IMMP2L: variants seen among roughly 807,000 people sequenced by gnomAD.
IMMP2L encodes mitochondrial inner membrane protease subunit 2.
IMMP2L carries 18 observed loss-of-function variants against 19.3 expected under a neutral mutation model. The observed-to-expected ratio is 0.93, with a 90% CI of 0.64 to 1.38. The LOEUF is 1.38. IMMP2L is among the 40% of genes most tolerant of loss of function. The pLI, the probability that IMMP2L is intolerant of heterozygous loss-of-function variation, is 0.00. For missense variants in IMMP2L, 233 were observed against 218.2 expected (o/e 1.07, Z -0.43); for synonymous variants, 76 against 73.0 (o/e 1.04, Z -0.21).
chr7:110,916,600 A>G (rs1468002032), intron 4 of IMMP2L, among the ~76,000 whole-genome samples: 1 of 152,178 alleles, frequency 6.6e-6, no homozygotes. Flanking sequence ...CCTTTCCTAC[A>G]CTACTTCCTT....
intron 5 of IMMP2L, among the ~76,000 whole-genome samples, chr7:110,856,183 A>C (rs1440958947): frequency 6.6e-6 from 1 of 152,064 alleles, no homozygotes; most frequent in Non-Finnish European, 1.5e-5. Flanking sequence ...TATCAAAATT[A>C]CTAAAGACAC....
chr7:111,321,130 C>T (rs1385901394), intron 3 of IMMP2L, among the ~76,000 whole-genome samples: 3 of 151,880 alleles, frequency 2.0e-5, no homozygotes, highest in Admixed American at 6.6e-5. Flanking sequence ...AATTTCAGGG[C>T]AATCCTAATG....
At chr7:110,937,115 T>G (rs1816204158) in intron 4 of IMMP2L, among the ~76,000 whole-genome samples, 1 of 152,126 alleles carries the variant, frequency 6.6e-6, no homozygotes, top group South Asian at 2.1e-4. Context: ...GACAGGTTGA[T>G]GGGTGCAGCA....
At chr7:111,228,209 C>T (rs1427866611) in intron 3 of IMMP2L, among the ~76,000 whole-genome samples, 1 of 151,928 alleles carries the variant, frequency 6.6e-6, no homozygotes, top group East Asian at 1.9e-4. Flanking sequence ...AAGGTACTAA[C>T]CACAAGACAA....
At chr7:111,235,410 G>A (rs568012567) in intron 3 of IMMP2L, among the ~76,000 whole-genome samples, 4 of 150,914 alleles carry the variant, frequency 2.7e-5, no homozygotes, top group Admixed American at 6.6e-5. Flanking sequence ...AGTGGAGGTC[G>A]CGGTGAGCTG....
intron 4 of IMMP2L, among the ~76,000 whole-genome samples, chr7:110,931,258 G>A (rs1815452257): frequency 6.6e-6 from 1 of 152,106 alleles, no homozygotes; most frequent in African/African-American, 2.4e-5. Flanking sequence ...AACATATCAG[G>A]CTCTCCTGTA....
In IMMP2L at chr7:111,149,530, C is replaced by T. The variant is rs573765762; in HGVS notation, c.240-185965G>A. ...AACAGTCAATTAACACATAAATAAACTAGTACTTACATATATTTTATACAT... is the reference window on the plus strand; with the variant it reads ...AACAGTCAATTAACACATAAATAAATTAGTACTTACATATATTTTATACAT... On this transcript the variant is annotated intron_variant, in intron 3 of 5. Transcript: ENST00000405709. Among the ~76,000 whole-genome samples the T allele has an allele frequency of 9.2e-5, 14 of 152,220 alleles. No individual in the cohort carries two copies. In the South Asian group the frequency reaches 2.5e-3, roughly 27 times the overall value.
At chr7:110,775,761 A>T (rs1422841658) in intron 5 of IMMP2L, among the ~76,000 whole-genome samples, 1 of 152,028 alleles carries the variant, frequency 6.6e-6, no homozygotes. Flanking sequence ...GAGTAAAGTA[A>T]ATGTAAAGTA....
At chr7:110,958,772 G>A (rs929449407) in intron 4 of IMMP2L, among the ~76,000 whole-genome samples, 3 of 152,012 alleles carry the variant, frequency 2.0e-5, no homozygotes, top group Non-Finnish European at 4.4e-5. Context: ...ATCTCAAAGG[G>A]TGATACTCAG....
intron 3 of IMMP2L, among the ~76,000 whole-genome samples, chr7:111,303,742 T>C (rs6979511): frequency 0.77 from 117,537 of 151,938 alleles, 47,330 homozygotes; most frequent in East Asian, 0.97. Context: ...TGTACAATTT[T>C]TAAAAAGGAA....
chr7:111,398,879 C>A (rs1833142557), intron 3 of IMMP2L, among the ~76,000 whole-genome samples: 2 of 145,274 alleles, frequency 1.4e-5, no homozygotes, highest in South Asian at 2.1e-4. Flanking sequence ...TTTACAATAG[C>A]TGCAAAAAAA....
chr7:111,047,330 G>T (rs925101436), intron 3 of IMMP2L, among the ~76,000 whole-genome samples: 3 of 151,988 alleles, frequency 2.0e-5, no homozygotes, highest in Admixed American at 1.3e-4. Flanking sequence ...TGGGATTACA[G>T]GCAGGCATCA....
chr7:111,143,000 A>T (rs1467621377), intron 3 of IMMP2L, among the ~76,000 whole-genome samples: 2 of 152,096 alleles, frequency 1.3e-5, no homozygotes, highest in African/African-American at 2.4e-5. Flanking sequence ...ATTTACTTTT[A>T]CTCAGTTGCC....
intron 3 of IMMP2L, among the ~76,000 whole-genome samples, chr7:111,221,903 A>G (rs955670524): frequency 2.6e-5 from 4 of 152,056 alleles, no homozygotes; most frequent in Non-Finnish European, 5.9e-5. Flanking sequence ...CAGCTAGACT[A>G]AAACGACAGA....
At chr7:111,335,986 T>C (rs1207229886) in intron 3 of IMMP2L, among the ~76,000 whole-genome samples, 2 of 152,114 alleles carry the variant, frequency 1.3e-5, no homozygotes, top group South Asian at 2.1e-4. Context: ...CATCAATAGA[T>C]ACTTACTTGA....
chr7:111,270,190 G>C (rs1034561959), intron 3 of IMMP2L, among the ~76,000 whole-genome samples: 2 of 151,628 alleles, frequency 1.3e-5, no homozygotes, highest in African/African-American at 4.8e-5. Flanking sequence ...AAGCTGGCTT[G>C]CCTTTTATTT....
At chr7:111,187,525 G>A (rs1338873915) in intron 3 of IMMP2L, among the ~76,000 whole-genome samples, 3 of 152,030 alleles carry the variant, frequency 2.0e-5, no homozygotes, top group East Asian at 3.9e-4. Flanking sequence ...GTTAGTGTCT[G>A]GCCTTACTCA....
chr7:111,336,812 A>G (rs1419234660), intron 3 of IMMP2L, among the ~76,000 whole-genome samples: 1 of 151,686 alleles, frequency 6.6e-6, no homozygotes, highest in African/African-American at 2.4e-5. Context: ...TTATTGATTA[A>G]TCAAGTTGCC....
chr7:111,404,600 A>G (rs1451991564), intron 3 of IMMP2L, among the ~76,000 whole-genome samples: 1 of 152,150 alleles, frequency 6.6e-6, no homozygotes, highest in Non-Finnish European at 1.5e-5. Flanking sequence ...ACAGGTAGAA[A>G]GAAAGTCTAT....
Sources: allele counts gnomAD v4.1 joint callset (sites outside exome capture counted in the v4.1 genomes callset), GRCh38; gene constraint gnomAD v4.1.1; transcripts MANE v1.5; gene names NCBI Gene and HGNC (gene_info 2026-07-23, HGNC 2026-07-21).